TEAD1: variants seen among roughly 807,000 people sequenced by gnomAD.
The protein encoded by TEAD1 is TEA domain transcription factor 1.
TEAD1 carries 9 observed loss-of-function variants against 54.9 expected under a neutral mutation model. That is an observed-to-expected ratio of 0.16 (90% CI 0.10 to 0.29). TEAD1 has a LOEUF of 0.29. Ranked by LOEUF, TEAD1 falls within the 10% of genes least tolerant of loss-of-function variation. The pLI is 1.00. For synonymous variants in TEAD1, 200 were observed against 187.8 expected (o/e 1.07, Z -0.53); for missense variants, 387 against 535.9 (o/e 0.72, Z 2.74).
chr11:12,888,122 T>C (rs1417585102), intron 9 of TEAD1, among the ~76,000 whole-genome samples: 1 of 152,252 alleles, frequency 6.6e-6, no homozygotes, highest in East Asian at 1.9e-4. Context: ...GGTTATTCTA[T>C]TCCCTTCTAC....
chr11:12,867,074 G>A (rs1357576875), intron 5 of TEAD1, among the ~76,000 whole-genome samples: 1 of 152,164 alleles, frequency 6.6e-6, no homozygotes, highest in Non-Finnish European at 1.5e-5. Context: ...TTCTGCTTTT[G>A]GGGCATGATA....
chr11:12,919,001 A>G (rs7117204), intron 10 of TEAD1, among the ~76,000 whole-genome samples: 122 of 152,322 alleles, frequency 8.0e-4, no homozygotes, highest in African/African-American at 2.8e-3. Context: ...AAGGAAGGAT[A>G]TTTGGGGGAG....
At chr11:12,826,769 C>G (rs1946666515) in intron 3 of TEAD1, among the ~76,000 whole-genome samples, 2 of 152,140 alleles carry the variant, frequency 1.3e-5, no homozygotes, top group Admixed American at 6.5e-5. Context: ...CATATAGGAA[C>G]CCATTATTAA....
chr11:12,768,112 C>A (rs1027767082), intron 3 of TEAD1, among the ~76,000 whole-genome samples: 3 of 152,162 alleles, frequency 2.0e-5, no homozygotes, highest in African/African-American at 7.2e-5. Flanking sequence ...CAGGAACTAA[C>A]CTTCACTGGT....
intron 2 of TEAD1, among the ~76,000 whole-genome samples, chr11:12,736,291 C>G (rs923173848): frequency 6.6e-6 from 1 of 152,046 alleles, no homozygotes; most frequent in African/African-American, 2.4e-5. Flanking sequence ...CGTTTTCTAG[C>G]TTTTTGTTTT....
intron 3 of TEAD1, among the ~76,000 whole-genome samples, chr11:12,782,455 G>C (rs1266699608): frequency 1.3e-5 from 2 of 152,158 alleles, no homozygotes; most frequent in Non-Finnish European, 2.9e-5. Context: ...CAGATTAGTG[G>C]TTACCTGAGA....
intron 3 of TEAD1, among the ~76,000 whole-genome samples, chr11:12,772,631 T>G (rs989374426): frequency 1.3e-5 from 2 of 152,162 alleles, no homozygotes; most frequent in Non-Finnish European, 2.9e-5. Flanking sequence ...AAATTTTTGT[T>G]GAGATACTGT....
chr11:12,803,598 C>T (rs368580222), intron 3 of TEAD1, among the ~76,000 whole-genome samples: 82 of 152,170 alleles, frequency 5.4e-4, no homozygotes, highest in Non-Finnish European at 4.4e-4. Flanking sequence ...TGGCTCATGG[C>T]GCCAGCTGTG....
intron 3 of TEAD1, among the ~76,000 whole-genome samples, chr11:12,788,232 G>A (rs531945112): frequency 3.3e-5 from 5 of 151,898 alleles, no homozygotes; most frequent in African/African-American, 1.2e-4. Flanking sequence ...CGCCTCCTGG[G>A]TTCAAGCAAT....
At chr11:12,841,754 A>G (rs1665927298) in intron 3 of TEAD1, among the ~76,000 whole-genome samples, 1 of 152,154 alleles carries the variant, frequency 6.6e-6, no homozygotes, top group Non-Finnish European at 1.5e-5. Context: ...AGGAATGTAA[A>G]AGTAGCTAGG....
chr11:12,880,149 G>T (rs1381506456), intron 6 of TEAD1, among the ~76,000 whole-genome samples: 1 of 152,292 alleles, frequency 6.6e-6, no homozygotes, highest in South Asian at 2.1e-4. Flanking sequence ...AATTAAATGT[G>T]CCTTTCTGGG....
chr11:12,700,540 G>A (rs1025079773), intron 2 of TEAD1, among the ~76,000 whole-genome samples: 1 of 152,128 alleles, frequency 6.6e-6, no homozygotes, highest in African/African-American at 2.4e-5. Context: ...CAGTGGAAAC[G>A]AGTTTTGCGT....
intron 10 of TEAD1, among the ~76,000 whole-genome samples, chr11:12,924,542 CTT>C (rs1024424386): frequency 3.9e-5 from 6 of 152,066 alleles, no homozygotes; most frequent in African/African-American, 9.7e-5. Context: ...GCTGCAGTCT[CTT>C]GTTTTTTTTA....
chr11:12,787,937 C>A (rs1945712973), intron 3 of TEAD1, among the ~76,000 whole-genome samples: 1 of 150,314 alleles, frequency 6.7e-6, no homozygotes, highest in Admixed American at 6.6e-5. Context: ...ACTCTGGTTT[C>A]TCTTCAGACT....
intron 6 of TEAD1, 34 bp from the exon 7 acceptor site, chr11:12,880,971 C>A (rs769350547): frequency 6.2e-7 from 1 of 1,613,450 alleles, no homozygotes; most frequent in African/African-American, 1.3e-5. Context: ...GAAGTAAACT[C>A]GTAATTCTGA....
intron 2 of TEAD1, among the ~76,000 whole-genome samples, chr11:12,726,211 T>C (rs746341001): frequency 2.6e-5 from 4 of 152,096 alleles, no homozygotes; most frequent in Non-Finnish European, 5.9e-5. Flanking sequence ...TGGGAGAAGG[T>C]AGTTAGGGAA....
intron 3 of TEAD1, among the ~76,000 whole-genome samples, chr11:12,802,766 T>G (rs1292381703): frequency 2.0e-5 from 3 of 152,222 alleles, no homozygotes; most frequent in Non-Finnish European, 4.4e-5. Context: ...GCTGGAAGCA[T>G]TGCTCACTCG....
intron 3 of TEAD1, among the ~76,000 whole-genome samples, chr11:12,800,155 A>G (rs1434777252): frequency 6.6e-6 from 1 of 152,192 alleles, no homozygotes; most frequent in East Asian, 1.9e-4. Flanking sequence ...TGGAGAGCCC[A>G]TCTGTCGTGC....
At chr11:12,836,047 A>C (rs985601793) in intron 3 of TEAD1, among the ~76,000 whole-genome samples, 2 of 152,214 alleles carry the variant, frequency 1.3e-5, no homozygotes, top group African/African-American at 4.8e-5. Context: ...AGCCTGATTT[A>C]ATGATTCTGC....
Sources: gnomAD v4.1 joint callset for allele counts (sites outside exome capture counted in the v4.1 genomes callset) on GRCh38, gnomAD v4.1.1 for gene constraint, MANE v1.5 for transcripts, NCBI Gene and HGNC (gene_info 2026-07-23, HGNC 2026-07-21) for gene names.